Variants in ARHGEF37 observed in about 807,000 individuals in gnomAD.
ARHGEF37 encodes Rho guanine nucleotide exchange factor (GEF) 37.
ARHGEF37 carries 55 observed loss-of-function variants against 71.1 expected under a neutral mutation model. The observed-to-expected ratio is 0.77, with a 90% CI of 0.62 to 0.97. The LOEUF (loss-of-function observed/expected upper bound fraction) is 0.97, where lower values mean the gene tolerates loss of function less well. Among genes scored for constraint, ARHGEF37 ranks in the 50% least tolerant of loss-of-function variants. The pLI is 0.00. For synonymous variants in ARHGEF37, 327 were observed against 350.6 expected, an observed-to-expected ratio of 0.93 and a Z score of 0.75; for missense variants, 765 against 836.8, an observed-to-expected ratio of 0.91 and a Z score of 1.06.
intron 3 of ARHGEF37, among the ~76,000 whole-genome samples, chr5:149,605,525 C>A (rs1413996904): frequency 6.6e-6 from 1 of 152,124 alleles, no homozygotes; most frequent in Non-Finnish European, 1.5e-5. Flanking sequence ...TGGCTGGTGA[C>A]TACTGTATTT....
At chr5:149,560,416 T>C (rs746517657) in intron 1 of ARHGEF37, among the ~76,000 whole-genome samples, 4 of 152,148 alleles carry the variant, frequency 2.6e-5, no homozygotes, top group Non-Finnish European at 5.9e-5. Flanking sequence ...ACCTGGCCTA[T>C]ATTATTCTTA....
At chr5:149,631,137 TTCC>T (rs1404243287) in intron 12 of ARHGEF37, among the ~76,000 whole-genome samples, 193 of 111,522 alleles carry the variant, frequency 1.7e-3, no homozygotes, top group Middle Eastern at 7.2e-3. Context: ...TCTTTCTTTC[TTCC>T]TTCCTTCTTT....
chr5:149,628,694 T>G (rs1752775674), intron 11 of ARHGEF37, 115 bp from the exon 12 acceptor site: 1 of 1,365,552 alleles, frequency 7.3e-7, no homozygotes, highest in East Asian at 2.6e-5. Flanking sequence ...GACCTTTTGG[T>G]TCTCTTGGGT....
At chr5:149,591,967 T>G (rs1171569773) in intron 1 of ARHGEF37, among the ~76,000 whole-genome samples, 1 of 152,244 alleles carries the variant, frequency 6.6e-6, no homozygotes, top group Non-Finnish European at 1.5e-5. Flanking sequence ...AACCTCATTG[T>G]AAGTCGAAGA....
At position 149,565,829 on chromosome 5, in the gene ARHGEF37, A is replaced by ATTTTTTTTTTTTT. The variant is rs201683478; in HGVS notation, c.-12+13729_-12+13741dup. On this transcript the variant is annotated intron_variant, in intron 1 of 2. Coordinates refer to the ARHGEF37 transcript ENST00000505810. ...TAGCTTTGTAATGTCAGAAACTCTA[A>ATTTTTTTTTTTTT]TTTTTTTTTTTTTTTTTTTTTTTTT... Among the ~76,000 whole-genome samples, 193 of 84,534 alleles carry ATTTTTTTTTTTTT rather than the reference A, an allele frequency of 2.3e-3. 30 individuals carry two copies. The highest frequency in any genetic ancestry group is 3.6e-3 in the Non-Finnish European group (134 of 37,422). 55.5% of individuals were successfully genotyped at this position (84,534 alleles called of 152,430 possible). A position where few individuals can be genotyped will look rare whatever the true frequency, so the allele number is the denominator to read the frequency against.
At position 149,609,692 on chromosome 5, in the gene ARHGEF37, T is replaced by C. The variant is rs564837365; in HGVS notation, c.455T>C (p.Val152Ala). The change falls in exon 4 of 13, where the codon GTG (valine) becomes GCG (alanine). Residue 152 changes from valine (V) to alanine (A), a missense_variant. Around this residue, in one of 5 missense-constraint regions of ARHGEF37, gnomAD observed 201 missense variants for 217.5 expected, o/e 0.92. Transcript: ENST00000333677. ...QRHIQGIVEA[V>A]VPQAGSSGLS... ...CACATCCAGGGCATCGTTGAGGCGG[T>C]GGTGTGAGTAGAACGGCCAGTGAGC... 6.2e-7 allele frequency: 1 copy of C among 1,612,248 alleles called. No homozygotes were observed. Among genetic ancestry groups the C allele is most frequent in the African/African-American group, 1.3e-5 (1 of 74,976 alleles).
Position 149,627,276 on chromosome 5 carries a change from G to C in ARHGEF37, c.1660+5G>C. The C allele has an allele frequency of 6.2e-7, 1 of 1,611,588 alleles. No individual in the cohort carries two copies. Among genetic ancestry groups the C allele is most frequent in the Non-Finnish European group, 8.5e-7 (1 of 1,179,004 alleles). On this transcript the variant is annotated splice_donor_5th_base_variant and intron_variant, in intron 11 of 12. Transcript: ENST00000333677. ...GCTGGCTGGTGGACACCGGGGGTAC[G>C]TGAGCCTTTGGGAGCCCTTCTTCTC... is the stretch of plus-strand genomic sequence containing the variant.
chr5:149,617,724 C>T (rs1436817940), intron 5 of ARHGEF37, among the ~76,000 whole-genome samples: 1 of 152,190 alleles, frequency 6.6e-6, no homozygotes, highest in African/African-American at 2.4e-5. Flanking sequence ...GGATTTCCTC[C>T]CCACCTGCTT....
At chr5:149,561,674 T>A (rs1561781904) in intron 1 of ARHGEF37, among the ~76,000 whole-genome samples, 1 of 152,202 alleles carries the variant, frequency 6.6e-6, no homozygotes. Flanking sequence ...CTGTGTTTCC[T>A]ATCCCACTCC....
At chr5:149,630,702 A>G (rs1025722261) in intron 12 of ARHGEF37, among the ~76,000 whole-genome samples, 3 of 152,116 alleles carry the variant, frequency 2.0e-5, no homozygotes, top group Non-Finnish European at 4.4e-5. Context: ...GCTCCAGTCA[A>G]TGGGGGTGGT....
chr5:149,588,025 T>C (rs1200308914), intron 1 of ARHGEF37, among the ~76,000 whole-genome samples: 1 of 150,840 alleles, frequency 6.6e-6, no homozygotes, highest in African/African-American at 2.4e-5. Context: ...GCCTCCTGAG[T>C]AGCTGGGATT....
At chr5:149,564,263 C>T (rs982910005) in intron 1 of ARHGEF37, among the ~76,000 whole-genome samples, 1 of 151,904 alleles carries the variant, frequency 6.6e-6, no homozygotes, top group African/African-American at 2.4e-5. Context: ...ATTAGTCTTA[C>T]GTATGTTATC....
chr5:149,583,249 G>C (rs912362164), intron 1 of ARHGEF37, among the ~76,000 whole-genome samples: 1 of 152,202 alleles, frequency 6.6e-6, no homozygotes, highest in African/African-American at 2.4e-5. Context: ...CAATTCTCCT[G>C]CCTCAGCCTC....
intron 3 of ARHGEF37, among the ~76,000 whole-genome samples, chr5:149,601,496 T>A (rs189236698): frequency 6.6e-6 from 1 of 152,318 alleles, no homozygotes; most frequent in African/African-American, 2.4e-5. Flanking sequence ...TGCAGCTAAA[T>A]CTTTAGTCTG....
intron 1 of ARHGEF37, among the ~76,000 whole-genome samples, chr5:149,592,151 A>G (rs1223021661): frequency 6.6e-6 from 1 of 152,212 alleles, no homozygotes; most frequent in Non-Finnish European, 1.5e-5. Flanking sequence ...GCATTGGTAT[A>G]ATATACGTGT....
intron 2 of ARHGEF37, among the ~76,000 whole-genome samples, 191 bp downstream of exon 2, chr5:149,598,146 A>G (rs1033535345): frequency 1.2e-4 from 18 of 152,302 alleles, no homozygotes; most frequent in Non-Finnish European, 1.3e-4. Context: ...AAGGTCTTCC[A>G]TGGCTTAGAG....
intron 1 of ARHGEF37, among the ~76,000 whole-genome samples, chr5:149,568,622 C>T (rs1192374915): frequency 6.6e-6 from 1 of 151,860 alleles, no homozygotes; most frequent in Non-Finnish European, 1.5e-5. Flanking sequence ...CCAGCCTGGC[C>T]AACATGGTGA....
chr5:149,623,995 T>C lies in ARHGEF37; in HGVS notation c.1336-17T>C. On this transcript the variant is annotated splice_polypyrimidine_tract_variant and intron_variant, in intron 9 of 12. Transcript: ENST00000333677. Reference sequence around the variant, plus strand: ...CCCTCTTGCCCAGCTCTGTTGACAGTGTCTGTCCCCACTTAGCTGCCCCAC... The same window carrying C: ...CCCTCTTGCCCAGCTCTGTTGACAGCGTCTGTCCCCACTTAGCTGCCCCAC... The C allele has an allele frequency of 6.3e-7, 1 of 1,586,432 alleles. No individual in the cohort carries two copies. The highest frequency in any genetic ancestry group is 8.6e-7 in the Non-Finnish European group (1 of 1,159,140).
intron 1 of ARHGEF37, among the ~76,000 whole-genome samples, chr5:149,590,260 G>A (rs547322137): frequency 1.3e-5 from 2 of 151,144 alleles, no homozygotes; most frequent in African/African-American, 2.4e-5. Flanking sequence ...TGCTGCAGAA[G>A]TATTAACTGC....
Sources: gnomAD v4.1 joint callset for allele counts (sites outside exome capture counted in the v4.1 genomes callset) on GRCh38, gnomAD v4.1.1 for gene constraint, gnomAD v4.1.1 regional missense constraint, MANE v1.5 for transcripts, NCBI Gene and HGNC (gene_info 2026-07-23, HGNC 2026-07-21) for gene names.